EARS2: variants seen among roughly 807,000 people sequenced by gnomAD.
EARS2 encodes the protein nondiscriminating glutamyl-tRNA synthetase EARS2, mitochondrial.
EARS2 carries 50 observed loss-of-function variants against 54.1 expected under a neutral mutation model. The observed-to-expected ratio is 0.92, with a 90% CI of 0.74 to 1.17. The LOEUF (loss-of-function observed/expected upper bound fraction) is 1.17, where lower values mean the gene tolerates loss of function less well. Ranked by LOEUF, EARS2 falls within the 50% of genes most tolerant of loss-of-function variation. EARS2 has a pLI of 0.00. For synonymous variants in EARS2, 298 were observed against 281.0 expected, an observed-to-expected ratio of 1.06 and a Z score of -0.61; for missense variants, 673 against 675.0, an observed-to-expected ratio of 1.00 and a Z score of 0.03.
Position 23,538,262 on chromosome 16 carries a change from C to G in EARS2, c.486-2902G>C, listed in dbSNP as rs145051931. Among the ~76,000 whole-genome samples the G allele has an allele frequency of 2.7e-3, 413 of 152,206 alleles. 1 individual carries two copies. The highest frequency in any genetic ancestry group is 9.3e-3 in the African/African-American group (388 of 41,526). On this transcript the variant is annotated intron_variant, in intron 3 of 8. Coordinates refer to ENST00000449606, the MANE Select transcript of EARS2 (RefSeq NM_001083614.2). ...TCTTGGCTCACTGTAGCCTCTGCCT[C>G]CCAGGCTCCCAAGTAGCTGGGATTA...
intron 5 of EARS2, chr16:23,532,405 T>G: frequency 3.2e-6 from 1 of 317,104 alleles, no homozygotes; most frequent in South Asian, 1.2e-4. Flanking sequence ...GAGCACTTTG[T>G]ATGTGCCAGG....
chr16:23,524,122 G>C lies in EARS2; in HGVS notation c.*249C>G. ...TCCAAACCTCTGCTGTGTAATGTGT[G>C]AGAAACCAGACCCGGAGAATGCCTT... On this transcript the variant is annotated 3_prime_UTR_variant, in exon 9 of 9. Coordinates refer to ENST00000449606, the MANE Select transcript of EARS2 (RefSeq NM_001083614.2). 1 of 559,894 alleles carries C rather than the reference G, an allele frequency of 1.8e-6. No homozygotes were observed. Among genetic ancestry groups the C allele is most frequent in the Non-Finnish European group, 3.2e-6 (1 of 312,400 alleles). 34.7% of individuals were successfully genotyped at this position (559,894 alleles called of 1,614,324 possible).
intron 2 of EARS2, among the ~76,000 whole-genome samples, chr16:23,551,460 T>G (rs748598421): frequency 6.6e-6 from 1 of 151,736 alleles, no homozygotes; most frequent in African/African-American, 2.4e-5. Context: ...TACAAAAAAA[T>G]TAAAAATTAG....
At chr16:23,530,417 G>A (rs763476514) in intron 5 of EARS2, among the ~76,000 whole-genome samples, 1 of 152,098 alleles carries the variant, frequency 6.6e-6, no homozygotes, top group Non-Finnish European at 1.5e-5. Flanking sequence ...GCCCAGCCAC[G>A]CTTTCAGTGT....
At chr16:23,552,401 A>G in intron 1 of EARS2, 97 bp from the exon 2 acceptor site, 1 of 1,370,586 alleles carries the variant, frequency 7.3e-7, no homozygotes, top group Non-Finnish European at 1.0e-6. Flanking sequence ...GTTGCAATAA[A>G]TTTAAAAGAC....
rs1245977422 is a variant in EARS2 at position 23,524,380 on chromosome 16, AACC to A, written c.1560_1562del (p.Val521del). 2 of 1,614,088 alleles carry A rather than the reference AACC, an allele frequency of 1.2e-6. No homozygotes were observed. The highest frequency in any genetic ancestry group is 1.3e-5 in the African/African-American group (1 of 75,040). On this transcript the variant is annotated inframe_deletion, in exon 9 of 9. Coordinates refer to ENST00000449606, the MANE Select transcript of EARS2 (RefSeq NM_001083614.2). Reference sequence around the variant, plus strand: ...CCGAAACATCCTCTCCCTAGCTGGAAACCACCTTCTGGATCCGTTCCCGTACTT... The same window carrying A: ...CCGAAACATCCTCTCCCTAGCTGGAAACCTTCTGGATCCGTTCCCGTACTT...
chr16:23,552,032 G>T, intron 2 of EARS2, 117 bp downstream of exon 2: 1 of 1,321,476 alleles, frequency 7.6e-7, no homozygotes, highest in Non-Finnish European at 1.0e-6. Context: ...TACAAATGTA[G>T]CCACTTCTCC....
intron 7 of EARS2, among the ~76,000 whole-genome samples, chr16:23,527,380 C>G (rs560358372): frequency 6.6e-6 from 1 of 152,140 alleles, no homozygotes; most frequent in Non-Finnish European, 1.5e-5. Context: ...CCTGCTCAAA[C>G]ATGGTCCAGG....
chr16:23,527,234 G>A (rs1965244868), intron 7 of EARS2, among the ~76,000 whole-genome samples: 1 of 152,060 alleles, frequency 6.6e-6, no homozygotes, highest in African/African-American at 2.4e-5. Context: ...CCAGAATACT[G>A]GGATTACAGG....
intron 5 of EARS2, among the ~76,000 whole-genome samples, chr16:23,532,032 C>T (rs976268725): frequency 2.6e-5 from 4 of 152,148 alleles, no homozygotes; most frequent in East Asian, 1.9e-4. Flanking sequence ...AGGCTGGTCT[C>T]GAACTCCTGA....
intron 3 of EARS2, among the ~76,000 whole-genome samples, chr16:23,542,316 C>CTTTTTTTTTTTTTTTTTTT (rs745418385): frequency 1.1e-5 from 1 of 93,698 alleles, no homozygotes; most frequent in Non-Finnish European, 2.0e-5. Flanking sequence ...TTTCATTTTT[C>CTTTTTTTTTTTTTTTTTTT]TTTTTTTTTT....
chr16:23,554,092 C>A (rs1965738625), intron 1 of EARS2, among the ~76,000 whole-genome samples: 1 of 152,142 alleles, frequency 6.6e-6, no homozygotes, highest in South Asian at 2.1e-4. Context: ...TCACTGCAGC[C>A]TCAACCACCC....
intron 2 of EARS2, among the ~76,000 whole-genome samples, chr16:23,551,868 C>G (rs113081837): frequency 6.6e-6 from 1 of 152,064 alleles, no homozygotes; most frequent in Non-Finnish European, 1.5e-5. Context: ...TGCAGTGAGC[C>G]GAGATCGCAC....
rs1965144248 is a variant in EARS2 at position 23,521,723 on chromosome 16, T to A, written c.*2648A>T. ...TTCATTTAGCATGAAGTCCTAGAGG[T>A]TCATCCATGTTGTAGATATACCAGA... On this transcript the variant is annotated 3_prime_UTR_variant, in exon 9 of 9. Transcript: ENST00000449606. The A allele has an allele frequency of 4.4e-6, 2 of 453,392 alleles. No homozygotes were observed. The highest frequency in any genetic ancestry group is 8.8e-6 in the Non-Finnish European group (2 of 226,130). The allele number at this position is 453,392 out of a possible 1,614,324, so 28.1% of individuals were successfully genotyped here. A position where few individuals can be genotyped will look rare whatever the true frequency, so the allele number is the denominator to read the frequency against.
intron 3 of EARS2, among the ~76,000 whole-genome samples, chr16:23,536,474 T>C (rs1290703967): frequency 1.3e-5 from 2 of 151,850 alleles, no homozygotes; most frequent in South Asian, 2.1e-4. Flanking sequence ...CTGGGCAACA[T>C]AGTGAGACTC....
chr16:23,552,764 C>T (rs9934171), intron 1 of EARS2, among the ~76,000 whole-genome samples: 14,788 of 152,168 alleles, frequency 0.097, 1,160 homozygotes, highest in African/African-American at 0.21. Flanking sequence ...GTGCTGGGAT[C>T]ACAGGCAAGA....
At chr16:23,555,046 T>C (rs1965753641) in intron 1 of EARS2, among the ~76,000 whole-genome samples, 1 of 152,236 alleles carries the variant, frequency 6.6e-6, no homozygotes. Flanking sequence ...ACAATCATCA[T>C]AATAGAGGCT....
intron 1 of EARS2, 108 bp downstream of exon 1, chr16:23,557,097 T>C (rs1261321713): frequency 1.4e-6 from 2 of 1,443,314 alleles, no homozygotes; most frequent in South Asian, 2.9e-5. Context: ...TTAACCCTCC[T>C]CCGCCCGCCC....
At chr16:23,544,967 G>A (rs983579361) in intron 2 of EARS2, 20 of 350,810 alleles carry the variant, frequency 5.7e-5, no homozygotes, top group Admixed American at 1.8e-4. Context: ...TCAGCCTCCC[G>A]AATAGCTGGG....
Sources: allele counts gnomAD v4.1 joint callset (sites outside exome capture counted in the v4.1 genomes callset), GRCh38; gene constraint gnomAD v4.1.1; transcripts MANE v1.5; gene names NCBI Gene and HGNC (gene_info 2026-07-23, HGNC 2026-07-21).